REM2: variants seen among roughly 807,000 people sequenced by gnomAD.
REM2 encodes RRAD and GEM like GTPase 2.
In REM2, 24 loss-of-function variants were observed where a neutral mutation model predicts 24.4. The observed-to-expected ratio is 0.98, with a 90% CI of 0.71 to 1.38. The LOEUF is 1.38. Ranked by LOEUF, REM2 falls within the 40% of genes most tolerant of loss-of-function variation. REM2 has a pLI of 0.00. For synonymous variants in REM2, 187 were observed against 198.0 expected, an observed-to-expected ratio of 0.94 and a Z score of 0.47; for missense variants, 429 against 467.8, an observed-to-expected ratio of 0.92 and a Z score of 0.77.
At chr14:22,883,967 T>C (rs1450113999) in intron 1 of REM2, 1 of 952,660 alleles carries the variant, frequency 1.0e-6, no homozygotes, top group Non-Finnish European at 1.2e-6. Context: ...AACACAATAT[T>C]CTCTCCCACT....
Position 22,886,210 on chromosome 14 carries a change from TC to T in REM2, c.709del (p.Arg237GlyfsTer15). ...TGGAAACAAGAGCGACTTGGCCCGC[TC>T]CCGGGAGGTATCACTGGAGGGTGTG... ...LVGNKSDLARSREVSLEEGRH... is the reference protein window; with the variant it reads ...LVGNKSDLARXREVSLEEGRH... On this transcript the variant is annotated frameshift_variant, in exon 4 of 5. Transcript: ENST00000267396. LOFTEE classifies it high-confidence loss of function. The surrounding 1 kb of genome is among the most constrained non-coding windows in gnomAD (Gnocchi z 5.9). The T allele has an allele frequency of 1.2e-6, 2 of 1,613,134 alleles. No homozygotes were observed. Among genetic ancestry groups the T allele is most frequent in the Non-Finnish European group, 1.7e-6 (2 of 1,179,560 alleles).
Position 22,887,062 on chromosome 14 carries a change from GC to G in REM2, c.*156del. 2 of 594,546 alleles carry G rather than the reference GC, an allele frequency of 3.4e-6. No homozygotes were observed. The highest frequency in any genetic ancestry group is 5.3e-6 in the Non-Finnish European group (2 of 378,044). 36.8% of individuals were successfully genotyped at this position (594,546 alleles called of 1,614,324 possible). A position where few individuals can be genotyped will look rare whatever the true frequency, so the allele number is the denominator to read the frequency against. ...TGCCCCGGTGTGACCGCCGGGGGCG[GC>G]CCGGGGCCGCTCGGCGGCACCTCCA... On this transcript the variant is annotated 3_prime_UTR_variant, in exon 5 of 5. Coordinates refer to ENST00000267396, the MANE Select transcript of REM2 (RefSeq NM_173527.3).
intron 1 of REM2, chr14:22,884,415 T>C (rs981789751): frequency 2.0e-6 from 2 of 985,352 alleles, no homozygotes; most frequent in African/African-American, 3.5e-5. Flanking sequence ...TTCAGGTCCC[T>C]TCCCTGCATG....
chr14:22,884,792 G>A lies in REM2; in HGVS notation c.222G>A (p.Lys74=). The A allele has an allele frequency of 1.2e-6, 2 of 1,614,020 alleles. No homozygotes were observed. The highest frequency in any genetic ancestry group is 8.5e-7 in the Non-Finnish European group (1 of 1,179,890). Residue 74 remains lysine, a synonymous_variant, in exon 2 of 5, where the codon AAG becomes AAA. Transcript: ENST00000267396. ...RRRGSMPVPY[K]HQLRRAQAVD... ...GAGGCAGTATGCCTGTCCCCTACAA[G>A]CACCAGCTCCGGCGGGCCCAGGCTG...
intron 1 of REM2, chr14:22,884,097 C>G (rs2040097038): frequency 5.1e-6 from 5 of 985,280 alleles, no homozygotes; most frequent in South Asian, 4.7e-5. Flanking sequence ...CACAGAGAAC[C>G]CACAGAGACC....
Position 22,886,072 on chromosome 14 carries a change from G to A in REM2, c.568G>A (p.Ala190Thr). 1.2e-6 allele frequency: 2 copies of A among 1,613,954 alleles called. No homozygotes were observed. The highest frequency in any genetic ancestry group is 1.3e-5 in the African/African-American group (1 of 75,026). Residue 190 changes from alanine to threonine, a missense_variant, in exon 4 of 5, where the codon GCC becomes ACC. Physicochemically the swap from Ala to Thr is moderately conservative, Grantham distance 58. Coordinates refer to ENST00000267396, the MANE Select transcript of REM2 (RefSeq NM_173527.3). This position sits in a 1 kb window ranked among gnomAD's most constrained non-coding sequence, Gnocchi z 5.9. Reference sequence around the variant, plus strand: ...GGACCACTGCCTTCAGACCGGGGACGCCTTTCTCATCGTCTTCTCAGTCAC... The same window carrying A: ...GGACCACTGCCTTCAGACCGGGGACACCTTTCTCATCGTCTTCTCAGTCAC... Reference protein sequence around the residue: ...LRDHCLQTGDAFLIVFSVTDR... With the variant: ...LRDHCLQTGDTFLIVFSVTDR...
At chr14:22,885,050 TCTGGGGCC>T in intron 2 of REM2, 35 bp downstream of exon 2, 1 of 1,516,536 alleles carries the variant, frequency 6.6e-7, no homozygotes, top group Non-Finnish European at 8.8e-7. Flanking sequence ...TTGAGGGGGC[TCTGGGGCC>T]CTGGTCAGGG....
chr14:22,885,401 G>A, intron 3 of REM2, 62 bp downstream of exon 3: 2 of 1,303,196 alleles, frequency 1.5e-6, no homozygotes, highest in Non-Finnish European at 2.2e-6. Flanking sequence ...GAAGGGCAAA[G>A]TCTGGCTGAA....
Position 22,886,299 on chromosome 14 carries a change from T to C in REM2, c.727+68T>C. 7.1e-7 allele frequency: 1 copy of C among 1,413,528 alleles called. No individual in the cohort carries two copies. The highest frequency in any genetic ancestry group is 1.8e-4 in the Middle Eastern group (1 of 5,698). The allele number at this position is 1,413,528 out of a possible 1,614,324, so 87.6% of individuals were successfully genotyped here. A position where few individuals can be genotyped will look rare whatever the true frequency, so the allele number is the denominator to read the frequency against. Reference sequence around the variant, plus strand: ...ATGCTCTCCCTTCCAAGTCACCTCTTCTCCCTAAGGCCTTTTTACCATCGC... The same window carrying C: ...ATGCTCTCCCTTCCAAGTCACCTCTCCTCCCTAAGGCCTTTTTACCATCGC... On this transcript the variant is annotated intron_variant, in intron 4 of 4. Transcript: ENST00000267396. This position sits in a 1 kb window ranked among gnomAD's most constrained non-coding sequence, Gnocchi z 5.9.
chr14:22,885,943 C>A (rs1566499638), intron 3 of REM2, 81 bp from the exon 4 acceptor site: 2 of 1,188,262 alleles, frequency 1.7e-6, no homozygotes, highest in East Asian at 4.7e-5. Context: ...GCCTCACAGC[C>A]CTGTTCCTCC....
At position 22,883,325 on chromosome 14, in the gene REM2, C is replaced by T; in HGVS notation, c.38C>T (p.Thr13Ile). The T allele has an allele frequency of 6.4e-7, 1 of 1,562,026 alleles. No individual in the cohort carries two copies. The change falls in exon 1 of 5, where the codon ACA becomes ATA. Residue 13 changes from threonine (T) to isoleucine (I), a missense_variant. By Grantham distance (89) the Thr-to-Ile change is moderately conservative (BLOSUM62 -1). Coordinates refer to ENST00000267396, the MANE Select transcript of REM2 (RefSeq NM_173527.3). Reference protein sequence around the residue: ...TDLDTDMDMDTETTALCPSGS... With the variant: ...TDLDTDMDMDIETTALCPSGS... Reference sequence around the variant, plus strand: ...CTGGACACAGACATGGACATGGACACAGAAACCACAGCACTCTGCCCCTCT... The same window carrying T: ...CTGGACACAGACATGGACATGGACATAGAAACCACAGCACTCTGCCCCTCT...
At chr14:22,885,244 C>T in intron 2 of REM2, 22 bp from the exon 3 acceptor site, 1 of 1,603,926 alleles carries the variant, frequency 6.2e-7, no homozygotes, top group Non-Finnish European at 8.5e-7. Flanking sequence ...GGACTTTATA[C>T]CCTCTCCCTA....
Position 22,883,349 on chromosome 14 carries a change from C to A in REM2, c.62C>A (p.Ser21Tyr). Residue 21 changes from serine (S) to tyrosine (Y), a missense_variant, in exon 1 of 5, where the codon TCT becomes TAT. Transcript: ENST00000267396. ...ACAGAAACCACAGCACTCTGCCCCT[C>A]TGGCAGCCGCCGGGCCTCCCCTCCA... ...MDTETTALCPSGSRRASPPGT... is the reference protein window; with the variant it reads ...MDTETTALCPYGSRRASPPGT... The A allele has an allele frequency of 6.4e-7, 1 of 1,559,082 alleles. No homozygotes were observed. The highest frequency in any genetic ancestry group is 2.4e-5 in the East Asian group (1 of 41,358).
Position 22,883,389 on chromosome 14 carries a change from A to G in REM2, c.102A>G (p.Pro34=), listed in dbSNP as rs1379712824. 1.3e-6 allele frequency: 2 copies of G among 1,552,488 alleles called. No homozygotes were observed. The highest frequency in any genetic ancestry group is 1.4e-5 in the African/African-American group (1 of 73,158). Residue 34 remains proline (P), a splice_region_variant and synonymous_variant, in exon 1 of 5, where the codon CCA becomes CCG. Transcript: ENST00000267396. ...CCTCCCCTCCAGGGACGCCCACACC[A>G]GGTGAGGGCTAACCTGGGCAGGTTC... ...RRASPPGTPT[P]EADATLLKKS...
At chr14:22,884,587 T>C (rs1479118000) in intron 1 of REM2, 87 bp from the exon 2 acceptor site, 4 of 1,475,334 alleles carry the variant, frequency 2.7e-6, no homozygotes, top group Non-Finnish European at 3.6e-6. Flanking sequence ...CCTCTGATAC[T>C]GGAACAGCCT....
chr14:22,883,346 C>T lies in REM2; in HGVS notation c.59C>T (p.Pro20Leu), dbSNP rs1181561519. The T allele has an allele frequency of 6.4e-7, 1 of 1,559,528 alleles. No homozygotes were observed. The highest frequency in any genetic ancestry group is 1.9e-5 in the Admixed American group (1 of 51,734). ...GACACAGAAACCACAGCACTCTGCC[C>T]CTCTGGCAGCCGCCGGGCCTCCCCT... The part of the protein sequence containing the change: ...DMDTETTALC[P>L]SGSRRASPPG... Residue 20 changes from proline (P) to leucine (L), a missense_variant, in exon 1 of 5, where the codon CCC (proline) becomes CTC (leucine). Physicochemically the swap from Pro to Leu is moderately conservative, Grantham distance 98. Transcript: ENST00000267396.
At chr14:22,883,867 C>G (rs1051741554) in intron 1 of REM2, among the ~76,000 whole-genome samples, 12 of 151,552 alleles carry the variant, frequency 7.9e-5, no homozygotes, top group Non-Finnish European at 1.6e-4. Context: ...CTCCAGTTAC[C>G]CTGACCCACG....
chr14:22,886,943 G>A lies in REM2; in HGVS notation c.*34G>A. On this transcript the variant is annotated 3_prime_UTR_variant, in exon 5 of 5. Transcript: ENST00000267396. This position sits in a 1 kb window ranked among gnomAD's most constrained non-coding sequence, Gnocchi z 5.9. ...CGCCATGGCCACTGCGGTCGCCATG[G>A]TCACCGCGCCCTCCGCTCGCCCCCC... 3.7e-6 allele frequency: 5 copies of A among 1,360,212 alleles called. No homozygotes were observed. The highest frequency in any genetic ancestry group is 4.8e-6 in the Non-Finnish European group (5 of 1,049,196). The allele number at this position is 1,360,212 out of a possible 1,614,324, so 84.3% of individuals were successfully genotyped here. A position where few individuals can be genotyped will look rare whatever the true frequency, so the allele number is the denominator to read the frequency against.
rs200433322 is a variant in REM2, at chr14:22,883,296, G to A, written c.9G>A (p.Thr3=). Residue 3 remains threonine (T), a synonymous_variant, in exon 1 of 5, where the codon ACG becomes ACA. Coordinates refer to ENST00000267396, the MANE Select transcript of REM2 (RefSeq NM_173527.3). MH[T]DLDTDMDMDT... ...CACGCACACGCACACTGATGCACAC[G>A]GACCTGGACACAGACATGGACATGG... 87 of 1,537,114 alleles carry A rather than the reference G, an allele frequency of 5.7e-5. No individual in the cohort carries two copies. The highest frequency in any genetic ancestry group is 5.1e-4 in the African/African-American group (37 of 72,778).
Sources: allele counts gnomAD v4.1 joint callset (sites outside exome capture counted in the v4.1 genomes callset), GRCh38; gene constraint gnomAD v4.1.1; non-coding constraint Gnocchi (gnomAD v3.1); transcripts MANE v1.5; gene names NCBI Gene and HGNC (gene_info 2026-07-23, HGNC 2026-07-21).